The following DEPTOR variants were observed in gnomAD, a reference collection of about 807,000 sequenced individuals.
DEPTOR encodes the protein DEP domain-containing mTOR-interacting protein.
In DEPTOR, 41 loss-of-function variants were observed where a neutral mutation model predicts 41.6. The ratio of observed to expected loss-of-function variants is 0.98; its 90% CI spans 0.77 to 1.28. The LOEUF (loss-of-function observed/expected upper bound fraction) is 1.28, where lower values mean the gene tolerates loss of function less well. DEPTOR is among the 50% of genes most tolerant of loss of function. The probability of loss-of-function intolerance (pLI) is 0.00; values close to 1 mark genes in which losing one functional copy is unlikely to be tolerated. For missense variants in DEPTOR, 514 were observed against 527.9 expected (o/e 0.97, Z 0.26); for synonymous variants, 195 against 192.3 (o/e 1.01, Z -0.12).
chr8:119,966,082 AC>A (rs1304601556), intron 4 of DEPTOR, among the ~76,000 whole-genome samples: 1 of 152,214 alleles, frequency 6.6e-6, no homozygotes, highest in African/African-American at 2.4e-5. Context: ...CCTAAACAGT[AC>A]AATGTAACAA....
At chr8:119,946,264 G>A (rs574369740) in intron 3 of DEPTOR, among the ~76,000 whole-genome samples, 2 of 152,072 alleles carry the variant, frequency 1.3e-5, no homozygotes, top group South Asian at 2.1e-4. Context: ...AAGAAAATCT[G>A]AATAACATTT....
intron 8 of DEPTOR, among the ~76,000 whole-genome samples, chr8:120,030,427 C>T (rs1039807189): frequency 2.0e-5 from 3 of 147,862 alleles, no homozygotes; most frequent in Non-Finnish European, 3.0e-5. Flanking sequence ...ATAGCATGTG[C>T]GACACTAAGA....
intron 1 of DEPTOR, among the ~76,000 whole-genome samples, chr8:119,911,813 G>A (rs1198197249): frequency 1.3e-5 from 2 of 152,070 alleles, no homozygotes; most frequent in African/African-American, 4.8e-5. Flanking sequence ...AGCTATCAAA[G>A]GACCCCACAC....
chr8:119,934,270 ACT>A (rs1360538679), intron 3 of DEPTOR, among the ~76,000 whole-genome samples: 1 of 152,042 alleles, frequency 6.6e-6, no homozygotes, highest in Non-Finnish European at 1.5e-5. Context: ...AATTTCAGTA[ACT>A]CTGCTGGCTC....
At chr8:119,967,030 G>C (rs1828570986) in intron 4 of DEPTOR, among the ~76,000 whole-genome samples, 1 of 152,074 alleles carries the variant, frequency 6.6e-6, no homozygotes. Context: ...TTCCTCCTGG[G>C]TGTAGGGCAG....
chr8:119,919,784 A>G (rs939863312), intron 1 of DEPTOR, among the ~76,000 whole-genome samples: 1 of 152,180 alleles, frequency 6.6e-6, no homozygotes, highest in Non-Finnish European at 1.5e-5. Flanking sequence ...TTTGGCTGAG[A>G]TTTATGACGC....
chr8:120,034,324 C>G (rs1236206850), intron 8 of DEPTOR, among the ~76,000 whole-genome samples: 1 of 151,088 alleles, frequency 6.6e-6, no homozygotes, highest in African/African-American at 2.4e-5. Context: ...GAGATCAGAG[C>G]AGTGCCACCT....
intron 1 of DEPTOR, among the ~76,000 whole-genome samples, chr8:119,879,521 G>T (rs1230389293): frequency 6.6e-6 from 1 of 152,090 alleles, no homozygotes; most frequent in African/African-American, 2.4e-5. Flanking sequence ...AGACCAGCCT[G>T]TACAACATGG....
chr8:119,984,424 C>G (rs1320122416), intron 4 of DEPTOR, among the ~76,000 whole-genome samples: 1 of 152,130 alleles, frequency 6.6e-6, no homozygotes, highest in African/African-American at 2.4e-5. Flanking sequence ...CCCTAACTCC[C>G]CACCCACCAA....
intron 8 of DEPTOR, among the ~76,000 whole-genome samples, chr8:120,037,846 C>T (rs1471575403): frequency 6.6e-6 from 1 of 152,108 alleles, no homozygotes; most frequent in Non-Finnish European, 1.5e-5. Flanking sequence ...TGTCACATTC[C>T]CCATCGTTTT....
At chr8:120,026,309 G>A (rs138327757) in intron 8 of DEPTOR, among the ~76,000 whole-genome samples, 4 of 151,810 alleles carry the variant, frequency 2.6e-5, no homozygotes, top group Admixed American at 1.3e-4. Context: ...ATTGTGTTGC[G>A]TGGTCACTTT....
chr8:119,937,426 A>G (rs1044423509), intron 3 of DEPTOR, among the ~76,000 whole-genome samples: 1 of 152,224 alleles, frequency 6.6e-6, no homozygotes, highest in Non-Finnish European at 1.5e-5. Context: ...TAATATATGC[A>G]TAGATATGCA....
intron 8 of DEPTOR, among the ~76,000 whole-genome samples, chr8:120,025,185 T>C (rs1812780117): frequency 6.6e-6 from 1 of 152,202 alleles, no homozygotes; most frequent in South Asian, 2.1e-4. Context: ...TTAAAGACTG[T>C]GATATGTGCA....
At chr8:119,879,733 C>T (rs531494451) in intron 1 of DEPTOR, among the ~76,000 whole-genome samples, 12 of 145,572 alleles carry the variant, frequency 8.2e-5, no homozygotes, top group Middle Eastern at 4.2e-3. Flanking sequence ...AATCAAGGGC[C>T]GGGCACGGGG....
intron 4 of DEPTOR, among the ~76,000 whole-genome samples, chr8:119,983,530 G>A (rs1586644208): frequency 1.3e-5 from 2 of 152,162 alleles, no homozygotes; most frequent in East Asian, 3.9e-4. Context: ...GATTACAGGT[G>A]CCCGCCACCA....
intron 1 of DEPTOR, among the ~76,000 whole-genome samples, chr8:119,926,690 A>T (rs1827967786): frequency 1.3e-5 from 2 of 152,070 alleles, no homozygotes; most frequent in Admixed American, 1.3e-4. Flanking sequence ...TCTACTGGAT[A>T]CCTCTCCTTT....
intron 1 of DEPTOR, 156 bp downstream of exon 1, chr8:119,874,124 C>G (rs763959879): frequency 8.4e-5 from 105 of 1,251,910 alleles, no homozygotes; most frequent in Non-Finnish European, 1.1e-4. Flanking sequence ...TGCGCCCGCG[C>G]TTAGCTGCTG....
intron 4 of DEPTOR, among the ~76,000 whole-genome samples, chr8:119,978,630 G>A (rs1278241945): frequency 6.6e-6 from 1 of 152,108 alleles, no homozygotes; most frequent in East Asian, 1.9e-4. Context: ...TCAACCTTGG[G>A]TGAGTTTCTA....
intron 1 of DEPTOR, 173 bp downstream of exon 1, chr8:119,874,141 C>G (rs964526006): frequency 4.8e-5 from 52 of 1,073,808 alleles, no homozygotes; most frequent in Non-Finnish European, 6.7e-5. Context: ...GCTGCAGCCT[C>G]GGTCCCTGAG....
Sources: gnomAD v4.1 joint callset for allele counts (sites outside exome capture counted in the v4.1 genomes callset) on GRCh38, gnomAD v4.1.1 for gene constraint, MANE v1.5 for transcripts, NCBI Gene and HGNC (gene_info 2026-07-23, HGNC 2026-07-21) for gene names.